The following ZNF592 variants were observed in gnomAD, a reference collection of about 807,000 sequenced individuals.
ZNF592 encodes the protein zinc finger protein 592.
Under a neutral mutation model 80.3 loss-of-function variants are expected in ZNF592, and 11 were observed. The ratio of observed to expected loss-of-function variants is 0.14; its 90% CI spans 0.09 to 0.23. The LOEUF is 0.23. ZNF592 is among the 10% of genes least tolerant of loss of function. The pLI, the probability that ZNF592 is intolerant of heterozygous loss-of-function variation, is 1.00. For synonymous variants in ZNF592, 646 were observed against 640.3 expected (o/e 1.01, Z -0.13); for missense variants, 1,420 against 1,633.9 (o/e 0.87, Z 2.26).
In ZNF592 at chr15:84,783,389, C is replaced by T. The variant is rs772393755; in HGVS notation, c.714C>T (p.Phe238=). Reference sequence around the variant, plus strand: ...AGGATCCGGATGCCACTCGATTCTTCGGGGAAGCTTTGGAGTTCAACAGCC... The same window carrying T: ...AGGATCCGGATGCCACTCGATTCTTTGGGGAAGCTTTGGAGTTCAACAGCC... ...PHKDPDATRF[F]GEALEFNSHP... is the part of the protein sequence containing the mutation. Residue 238 remains phenylalanine (F), a synonymous_variant, in exon 4 of 11, where the codon TTC becomes TTT. Transcript: ENST00000560079. This position sits in a 1 kb window ranked among gnomAD's most constrained non-coding sequence, Gnocchi z 5.0. 28 of 1,614,168 alleles carry T rather than the reference C, an allele frequency of 1.7e-5. 1 individual carries two copies. The highest frequency in any genetic ancestry group is 1.0e-4 in the Admixed American group (6 of 60,026).
intron 5 of ZNF592, among the ~76,000 whole-genome samples, chr15:84,796,576 T>TA (rs1298066905): frequency 6.6e-6 from 1 of 152,018 alleles, no homozygotes; most frequent in African/African-American, 2.4e-5. Context: ...AGGAAGGTCA[T>TA]ATTATTCTCT....
chr15:84,770,717 G>A (rs1899674239), intron 2 of ZNF592, among the ~76,000 whole-genome samples: 1 of 151,968 alleles, frequency 6.6e-6, no homozygotes, highest in Admixed American at 6.6e-5. Flanking sequence ...CCAAAAAGCA[G>A]GAATCCATCC....
intron 1 of ZNF592, among the ~76,000 whole-genome samples, chr15:84,761,102 T>C (rs1345907378): frequency 6.6e-6 from 1 of 152,172 alleles, no homozygotes; most frequent in Non-Finnish European, 1.5e-5. Flanking sequence ...TAGCTGAGAT[T>C]ACAGGCATGC....
Position 84,804,534 on chromosome 15 carries a change from G to A in ZNF592, c.*2141G>A, listed in dbSNP as rs1963191054. On this transcript the variant is annotated 3_prime_UTR_variant, in exon 11 of 11. Coordinates refer to ENST00000560079, the MANE Select transcript of ZNF592 (RefSeq NM_014630.3). Reference sequence around the variant, plus strand: ...CTGGCCTGGATTCTGTCCTTAGCCAGCTCTTAACAAATCCCTTAACCTCAC... The same window carrying A: ...CTGGCCTGGATTCTGTCCTTAGCCAACTCTTAACAAATCCCTTAACCTCAC... 1 of 152,234 alleles carries A rather than the reference G, an allele frequency of 6.6e-6. No individual in the cohort carries two copies. The highest frequency in any genetic ancestry group is 1.5e-5 in the Non-Finnish European group (1 of 68,046). The allele number at this position is 152,234 out of a possible 1,614,324, so 9.4% of individuals were successfully genotyped here.
chr15:84,749,693 G>C (rs907544305), intron 1 of ZNF592, among the ~76,000 whole-genome samples: 6 of 152,188 alleles, frequency 3.9e-5, no homozygotes, highest in Admixed American at 2.6e-4. Context: ...CGCGGGTGCA[G>C]TGTGGTGCAC....
At position 84,799,164 on chromosome 15, in the gene ZNF592, C is replaced by T; in HGVS notation, c.3091C>T (p.His1031Tyr). The T allele has an allele frequency of 6.2e-7, 1 of 1,614,210 alleles. No homozygotes were observed. The highest frequency in any genetic ancestry group is 8.5e-7 in the Non-Finnish European group (1 of 1,180,042). Residue 1031 changes from histidine (H) to tyrosine (Y), a missense_variant, in exon 9 of 11, where the codon CAC (histidine) becomes TAC (tyrosine). By Grantham distance (83) the His-to-Tyr change is moderately conservative. Around this residue, in one of 7 missense-constraint regions of ZNF592, gnomAD observed 331 missense variants for 347.0 expected, o/e 0.95. Coordinates refer to ENST00000560079, the MANE Select transcript of ZNF592 (RefSeq NM_014630.3). This position sits in a 1 kb window ranked among gnomAD's most constrained non-coding sequence, Gnocchi z 4.2. ...CCACACCCCCAACAGCCTGCGCAAA[C>T]ACATCCGCAACAACCATGACACAGT... is the stretch of plus-strand genomic sequence containing the variant. ...SFHTPNSLRKHIRNNHDTVKK... is the reference protein window; with the variant it reads ...SFHTPNSLRKYIRNNHDTVKK...
At chr15:84,758,275 G>A (rs1049649449) in intron 1 of ZNF592, among the ~76,000 whole-genome samples, 5 of 151,790 alleles carry the variant, frequency 3.3e-5, no homozygotes, top group Admixed American at 2.0e-4. Flanking sequence ...GCCCGGCCCC[G>A]TTAATCCTTT....
chr15:84,801,042 T>C (rs947625277), intron 10 of ZNF592, among the ~76,000 whole-genome samples: 3 of 152,210 alleles, frequency 2.0e-5, no homozygotes, highest in African/African-American at 7.2e-5. Flanking sequence ...ATGCATATAC[T>C]GGGTGCGGTG....
intron 1 of ZNF592, among the ~76,000 whole-genome samples, chr15:84,750,702 C>A (rs890458151): frequency 3.9e-5 from 6 of 152,010 alleles, no homozygotes; most frequent in African/African-American, 1.5e-4. Flanking sequence ...GTTGGGGGCT[C>A]AGGGAAGCCT....
At chr15:84,789,777 C>G (rs1355638115) in intron 4 of ZNF592, among the ~76,000 whole-genome samples, 1 of 152,204 alleles carries the variant, frequency 6.6e-6, no homozygotes, top group East Asian at 1.9e-4. Flanking sequence ...GAGCTGGCTT[C>G]TATATCCCTC....
chr15:84,761,209 A>G (rs754576256), intron 1 of ZNF592, among the ~76,000 whole-genome samples: 1 of 151,958 alleles, frequency 6.6e-6, no homozygotes, highest in Admixed American at 6.5e-5. Flanking sequence ...CAGGTGATCC[A>G]CCCACCTTGG....
rs147899508 is a variant in ZNF592, at chr15:84,789,206, C to T, written c.2221-1499C>T. On this transcript the variant is annotated intron_variant, in intron 4 of 10. Coordinates refer to ENST00000560079, the MANE Select transcript of ZNF592 (RefSeq NM_014630.3). ...GAGGCTGCGGTGAGCCAAGATCATG[C>T]CACTGCGCTCTAGTCTGGGCATCAG... Among the ~76,000 whole-genome samples the T allele has an allele frequency of 5.4e-3, 824 of 151,456 alleles. 8 individuals carry two copies. The highest frequency in any genetic ancestry group is 0.019 in the African/African-American group (776 of 41,186).
intron 1 of ZNF592, among the ~76,000 whole-genome samples, chr15:84,761,229 G>T (rs1004434806): frequency 6.6e-6 from 1 of 152,042 alleles, no homozygotes; most frequent in African/African-American, 2.4e-5. Context: ...GCCTCCCAAA[G>T]TGCTGAGATT....
Position 84,802,317 on chromosome 15 carries a change from A to G in ZNF592, c.3728A>G (p.Asp1243Gly), listed in dbSNP as rs1228030992. 1.2e-5 allele frequency: 20 copies of G among 1,613,818 alleles called. No homozygotes were observed. Among genetic ancestry groups the G allele is most frequent in the Non-Finnish European group, 1.4e-5 (17 of 1,179,966 alleles). ...TTGCTGGGCCCGGCCCCTGAGGACG[A>G]TGGTGGCCACAATGATCACAGTCAA... is the stretch of plus-strand genomic sequence containing the variant. ...RRLLGPAPED[D>G]GGHNDHSQPQ... The change falls in exon 11 of 11, where the codon GAT becomes GGT. Residue 1243 changes from aspartate to glycine, a missense_variant. By Grantham distance (94) the Asp-to-Gly change is moderately conservative (BLOSUM62 -1). This residue lies in a region of ZNF592 where 145 missense variants were observed against 211.9 expected (regional missense o/e 0.68). Coordinates refer to ENST00000560079, the MANE Select transcript of ZNF592 (RefSeq NM_014630.3).
intron 1 of ZNF592, among the ~76,000 whole-genome samples, chr15:84,760,022 G>A (rs184806017): frequency 2.6e-4 from 36 of 140,870 alleles, no homozygotes; most frequent in Non-Finnish European, 2.5e-4. Flanking sequence ...GGAACAATCA[G>A]GAAGAAATTC....
In ZNF592 at chr15:84,784,135, C is replaced by T; in HGVS notation, c.1460C>T (p.Ala487Val). 3.7e-6 allele frequency: 6 copies of T among 1,614,180 alleles called. No individual in the cohort carries two copies. The highest frequency in any genetic ancestry group is 1.7e-5 in the Admixed American group (1 of 60,038). Residue 487 changes from alanine to valine, a missense_variant, in exon 4 of 11, where the codon GCA becomes GTA. Around this residue, in one of 7 missense-constraint regions of ZNF592, gnomAD observed 524 missense variants for 628.3 expected, o/e 0.83. Transcript: ENST00000560079. This position sits in a 1 kb window ranked among gnomAD's most constrained non-coding sequence, Gnocchi z 5.8. ...SQTGKKQQST[A>V]LQASTLAPAN... ...ACAGGCAAGAAGCAACAGAGCACAG[C>T]ACTGCAGGCATCCACCCTGGCCCCT...
At chr15:84,756,172 A>T (rs181522196) in intron 1 of ZNF592, among the ~76,000 whole-genome samples, 2 of 152,134 alleles carry the variant, frequency 1.3e-5, no homozygotes, top group African/African-American at 4.8e-5. Context: ...CATTCCTGGG[A>T]TTTCCCCCCT....
In ZNF592 at chr15:84,780,065, C is replaced by T. The variant is rs1214407767; in HGVS notation, c.-20+1753C>T. 8.0e-5 allele frequency among the ~76,000 whole-genome samples: 12 copies of T among 149,368 alleles called. No homozygotes were observed. The Admixed American group carries it at 8.1e-4, about 10-fold the overall frequency. ...GCAGTGGCAAGATCTCGACTCACTG[C>T]AACCTCCTCCTCCTGGGTTCAAGTG... On this transcript the variant is annotated intron_variant, in intron 3 of 10. Transcript: ENST00000560079.
At chr15:84,758,265 G>A (rs558713476) in intron 1 of ZNF592, among the ~76,000 whole-genome samples, 123 of 152,102 alleles carry the variant, frequency 8.1e-4, no homozygotes, top group Non-Finnish European at 8.8e-4. Context: ...GAGCCACAGC[G>A]CCCGGCCCCG....
Sources: gnomAD v4.1 joint callset for allele counts (sites outside exome capture counted in the v4.1 genomes callset) on GRCh38, gnomAD v4.1.1 for gene constraint, gnomAD v4.1.1 regional missense constraint, Gnocchi (gnomAD v3.1) non-coding constraint, MANE v1.5 for transcripts, NCBI Gene and HGNC (gene_info 2026-07-23, HGNC 2026-07-21) for gene names.